Variants in PPP4R1 observed in about 807,000 individuals in gnomAD.
PPP4R1 encodes the protein serine/threonine-protein phosphatase 4 regulatory subunit 1.
PPP4R1 carries 42 observed loss-of-function variants against 111.2 expected under a neutral mutation model. The ratio of observed to expected loss-of-function variants is 0.38; its 90% CI spans 0.29 to 0.49. The LOEUF is 0.49. Ranked by LOEUF, PPP4R1 falls within the 20% of genes least tolerant of loss-of-function variation. PPP4R1 has a pLI of 0.97. For synonymous variants in PPP4R1, 409 were observed against 405.5 expected, an observed-to-expected ratio of 1.01 and a Z score of -0.10; for missense variants, 1,012 against 1,161.6, an observed-to-expected ratio of 0.87 and a Z score of 1.87.
chr18:9,557,385 G>A lies in PPP4R1; in HGVS notation c.2029-3C>T. On this transcript the variant is annotated splice_polypyrimidine_tract_variant and splice_region_variant and intron_variant, in intron 14 of 19. Transcript: ENST00000400556. ...GCTAGAGTTCGTCGAACTTTCCACT[G>A]CAGAAATGAAAACACATTAGTAAGC... The A allele has an allele frequency of 1.3e-6, 2 of 1,595,880 alleles. No individual in the cohort carries two copies. The highest frequency in any genetic ancestry group is 1.7e-6 in the Non-Finnish European group (2 of 1,174,560).
Position 9,614,185 on chromosome 18 carries a change from C to G in PPP4R1, c.52+41G>C. On this transcript the variant is annotated intron_variant, in intron 2 of 19. Transcript: ENST00000400556. The surrounding 1 kb of genome is among the most constrained non-coding windows in gnomAD (Gnocchi z 4.1). ...CCGCCGCCCGCCCTCCCCGGCCGCT[C>G]CCCGCGGACTGCCAGGCCACCGCGA... 1 of 1,330,782 alleles carries G rather than the reference C, an allele frequency of 7.5e-7. No individual in the cohort carries two copies. Among genetic ancestry groups the G allele is most frequent in the Non-Finnish European group, 9.7e-7 (1 of 1,027,786 alleles). The allele number at this position is 1,330,782 out of a possible 1,614,324, so 82.4% of individuals were successfully genotyped here.
chr18:9,590,934 A>G (rs1293976172), intron 4 of PPP4R1, among the ~76,000 whole-genome samples: 1 of 152,228 alleles, frequency 6.6e-6, no homozygotes, highest in Non-Finnish European at 1.5e-5. Context: ...GAAGCCACAG[A>G]GTGAAAAAGA....
At chr18:9,555,868 G>A (rs930812456) in intron 15 of PPP4R1, among the ~76,000 whole-genome samples, 1 of 152,100 alleles carries the variant, frequency 6.6e-6, no homozygotes, top group East Asian at 1.9e-4. Flanking sequence ...CAGGCATGGT[G>A]GCTCACGCCT....
chr18:9,588,911 T>A, intron 4 of PPP4R1, 58 bp from the exon 5 acceptor site: 1 of 1,585,504 alleles, frequency 6.3e-7, no homozygotes, highest in Non-Finnish European at 8.6e-7. Context: ...AAAACCTTTA[T>A]CTGTTCTTGA....
Position 9,547,700 on chromosome 18 carries a change from C to G in PPP4R1, c.*89G>C. ...GCAGGAGAGGAAGGTCTCTCCTCCC[C>G]CGAAAGCTATCCCAGGTCACATGCG... On this transcript the variant is annotated 3_prime_UTR_variant, in exon 20 of 20. Coordinates refer to ENST00000400556, the MANE Select transcript of PPP4R1 (RefSeq NM_001042388.3). 6.6e-7 allele frequency: 1 copy of G among 1,505,614 alleles called. No homozygotes were observed. The highest frequency in any genetic ancestry group is 1.2e-5 in the South Asian group (1 of 82,856). The allele number at this position is 1,505,614 out of a possible 1,614,324, so 93.3% of individuals were successfully genotyped here.
rs762715724 is a variant in PPP4R1 at position 9,559,538 on chromosome 18, C to A, written c.1909G>T (p.Val637Phe). Residue 637 changes from valine to phenylalanine, a missense_variant, in exon 14 of 20, where the codon GTT becomes TTT. Transcript: ENST00000400556. ...CAGTGCTTAGCAATTTCAGTGTCAA[C>A]CGTCTGTGCACGAGAAGGGTCAGTC... ...SMTDPSRAQT[V>F]DTEIAKHCAY... 6.2e-7 allele frequency: 1 copy of A among 1,613,468 alleles called. No homozygotes were observed. Among genetic ancestry groups the A allele is most frequent in the Non-Finnish European group, 8.5e-7 (1 of 1,179,652 alleles).
rs757884041 is a variant in PPP4R1, at chr18:9,588,851, G to T, written c.298C>A (p.Pro100Thr). The T allele has an allele frequency of 1.9e-6, 3 of 1,611,828 alleles. No individual in the cohort carries two copies. The South Asian group carries it at 3.3e-5, about 18-fold the overall frequency. Residue 100 changes from proline (P) to threonine (T), a missense_variant and splice_region_variant, in exon 5 of 20, where the codon CCA (proline) becomes ACA (threonine). By Grantham distance (38) the Pro-to-Thr change is conservative. Transcript: ENST00000400556. ...RISRLADDSE[P>T]TVRAELMEQV... ...TCCATCAGCTCCGCTCTCACAGTTG[G>T]TTCTATTGAAATAACGGCAATGTGA...
chr18:9,557,106 CTG>C (rs2055307360), intron 15 of PPP4R1, 113 bp downstream of exon 15: 2 of 995,272 alleles, frequency 2.0e-6, no homozygotes, highest in Non-Finnish European at 2.9e-6. Flanking sequence ...CAACTTATGG[CTG>C]TGTTTTCTTA....
intron 2 of PPP4R1, chr18:9,613,774 G>C (rs1370632651): frequency 6.6e-6 from 1 of 152,644 alleles, no homozygotes; most frequent in Non-Finnish European, 1.5e-5. Flanking sequence ...CGGGGCCCAG[G>C]CTGACCCCCG....
chr18:9,596,607 C>G (rs2067293851), intron 2 of PPP4R1, among the ~76,000 whole-genome samples: 1 of 104,838 alleles, frequency 9.5e-6, no homozygotes, highest in Non-Finnish European at 2.0e-5. Context: ...TGTCGTTGCT[C>G]CTTTAGCTCT....
chr18:9,614,453 G>A lies in PPP4R1; in HGVS notation c.7+25C>T. Reference sequence around the variant, plus strand: ...CGGGTGGGCTCGAGGAGCCGCCGCCGCCCGGAGAACAGGGGGCCACGTACC... The same window carrying A: ...CGGGTGGGCTCGAGGAGCCGCCGCCACCCGGAGAACAGGGGGCCACGTACC... On this transcript the variant is annotated intron_variant, in intron 1 of 19. Transcript: ENST00000400556. The surrounding 1 kb of genome is among the most constrained non-coding windows in gnomAD (Gnocchi z 4.1). The A allele has an allele frequency of 9.8e-7, 1 of 1,023,032 alleles. No homozygotes were observed. Among genetic ancestry groups the A allele is most frequent in the Admixed American group, 5.9e-5 (1 of 16,976 alleles). 63.4% of individuals were successfully genotyped at this position (1,023,032 alleles called of 1,614,324 possible).
intron 9 of PPP4R1, among the ~76,000 whole-genome samples, chr18:9,577,768 T>C (rs1263652838): frequency 1.3e-5 from 2 of 152,188 alleles, no homozygotes; most frequent in African/African-American, 4.8e-5. Context: ...TGAGATACTA[T>C]GAAACATTTG....
chr18:9,569,681 G>T (rs1349708369), intron 11 of PPP4R1, among the ~76,000 whole-genome samples: 1 of 152,132 alleles, frequency 6.6e-6, no homozygotes, highest in Admixed American at 6.5e-5. Flanking sequence ...AGAGAATTTA[G>T]AAATACATGA....
intron 9 of PPP4R1, among the ~76,000 whole-genome samples, chr18:9,579,517 C>CGTGTGTGTGTGTGTGT (rs3974278): frequency 7.7e-4 from 114 of 147,870 alleles, no homozygotes; most frequent in African/African-American, 2.8e-3. Context: ...AGGATTTACA[C>CGTGTGTGTGTGTGTGT]GTGTGTGTGT....
At chr18:9,611,321 C>T (rs1032570520) in intron 2 of PPP4R1, among the ~76,000 whole-genome samples, 2 of 152,116 alleles carry the variant, frequency 1.3e-5, no homozygotes, top group Non-Finnish European at 2.9e-5. Context: ...GAAACTCAGG[C>T]TCACGAGATA....
chr18:9,550,778 C>T (rs543085887), intron 16 of PPP4R1: 3 of 181,334 alleles, frequency 1.7e-5, no homozygotes, highest in Middle Eastern at 2.6e-3. Flanking sequence ...AAGAAGTCCC[C>T]GCAGAGGGAG....
chr18:9,585,417 G>C (rs11874827), intron 6 of PPP4R1, among the ~76,000 whole-genome samples: 30,581 of 152,088 alleles, frequency 0.2, 3,419 homozygotes, highest in East Asian at 0.49. Context: ...AACACAATAG[G>C]AGGCAAAGTG....
intron 13 of PPP4R1, among the ~76,000 whole-genome samples, 155 bp downstream of exon 13, chr18:9,561,825 T>C (rs919607714): frequency 2.1e-4 from 32 of 152,328 alleles, no homozygotes; most frequent in Admixed American, 2.0e-3. Context: ...TCCATGTTCC[T>C]CTCTCTACTA....
At chr18:9,580,203 A>G (rs1399410672) in intron 9 of PPP4R1, among the ~76,000 whole-genome samples, 2 of 152,322 alleles carry the variant, frequency 1.3e-5, no homozygotes, top group African/African-American at 4.8e-5. Context: ...AGCTCAGCTG[A>G]CCCACTTCTC....
Sources: allele counts gnomAD v4.1 joint callset (sites outside exome capture counted in the v4.1 genomes callset), GRCh38; gene constraint gnomAD v4.1.1; non-coding constraint Gnocchi (gnomAD v3.1); transcripts MANE v1.5; gene names NCBI Gene and HGNC (gene_info 2026-07-23, HGNC 2026-07-21).